Variants in LIPG observed in about 807,000 individuals in gnomAD.
LIPG encodes the protein endothelial lipase.
Under a neutral mutation model 51.8 loss-of-function variants are expected in LIPG, and 34 were observed. That is an observed-to-expected ratio of 0.66 (90% confidence interval 0.50 to 0.87). LIPG has a LOEUF of 0.87. Ranked by LOEUF, LIPG falls within the 40% of genes least tolerant of loss-of-function variation. LIPG has a pLI of 0.00. For missense variants in LIPG, 580 were observed against 652.7 expected (o/e 0.89, Z 1.21); for synonymous variants, 246 against 246.1 (o/e 1.00, Z 0.00).
upstream of LIPG, chr18:49,561,713 C>T (rs2148845915): frequency 1.1e-5 from 14 of 1,244,914 alleles, no homozygotes; most frequent in East Asian, 3.1e-5. Context: ...GGATCGCCTC[C>T]CCAGCGGACG....
intron 5 of LIPG, 148 bp from the exon 6 acceptor site, chr18:49,581,267 C>A (rs2143966468): frequency 1.6e-6 from 2 of 1,251,608 alleles, no homozygotes; most frequent in Non-Finnish European, 2.3e-6. Context: ...CTTGTCTCAA[C>A]ACAAATAAAC....
intron 5 of LIPG, among the ~76,000 whole-genome samples, chr18:49,575,972 G>A (rs1045897927): frequency 2.6e-5 from 4 of 151,688 alleles, no homozygotes; most frequent in Admixed American, 2.6e-4. Context: ...CTGAGTAGCT[G>A]GGACTACAGG....
intron 6 of LIPG, chr18:49,581,907 G>T: frequency 1.7e-6 from 1 of 599,274 alleles, no homozygotes; most frequent in Non-Finnish European, 2.9e-6. Context: ...TTTCTATCTT[G>T]CATTTAACTT....
intron 8 of LIPG, among the ~76,000 whole-genome samples, chr18:49,584,887 T>C (rs1208834176): frequency 2.0e-5 from 3 of 152,202 alleles, no homozygotes; most frequent in African/African-American, 7.2e-5. Flanking sequence ...CAAATGTAAA[T>C]AGTTTTCCAT....
rs532933564 is a variant in LIPG at position 49,594,013 on chromosome 18, C to T, written c.*3491C>T. On this transcript the variant is annotated 3_prime_UTR_variant, in exon 10 of 10. Coordinates refer to ENST00000261292, the MANE Select transcript of LIPG (RefSeq NM_006033.4). The stretch of plus-strand genomic sequence containing the variant: ...CTTTGTGTTGGGAACATTCAATATC[C>T]TCCTTCTAGTTACTTGAAACCATAT... 3 of 152,338 alleles carry T rather than the reference C, an allele frequency of 2.0e-5. No individual in the cohort carries two copies. In the South Asian group the frequency reaches 6.2e-4, roughly 32 times the overall value. The allele number at this position is 152,338 out of a possible 1,614,324, so 9.4% of individuals were successfully genotyped here.
rs1459717911 is a variant in LIPG at position 49,582,441 on chromosome 18, T to C, written c.1116T>C (p.Leu372=). ...TTGAGCCCACCTTTTACGTCACCCTTTATGGCACTAATGCAGATTCCCAGA... is the reference window on the plus strand; with the variant it reads ...TTGAGCCCACCTTTTACGTCACCCTCTATGGCACTAATGCAGATTCCCAGA... ...GEIEPTFYVT[L]YGTNADSQTL... is the part of the protein sequence containing the mutation. The change falls in exon 7 of 10, where the codon CTT becomes CTC. Residue 372 remains leucine, a synonymous_variant. Coordinates refer to ENST00000261292, the MANE Select transcript of LIPG (RefSeq NM_006033.4). 1 of 1,614,194 alleles carries C rather than the reference T, an allele frequency of 6.2e-7. No homozygotes were observed. The highest frequency in any genetic ancestry group is 1.7e-5 in the Admixed American group (1 of 60,024).
rs1277394266 is a variant in LIPG at position 49,564,041 on chromosome 18, G to A, written c.98-1276G>A. Reference sequence around the variant, plus strand: ...TGGGGCTTTTGTTCATTACTTTCATGACGGTTAACCTGACTTCCGCTCATG... The same window carrying A: ...TGGGGCTTTTGTTCATTACTTTCATAACGGTTAACCTGACTTCCGCTCATG... On this transcript the variant is annotated intron_variant, in intron 1 of 9. Coordinates refer to ENST00000261292, the MANE Select transcript of LIPG (RefSeq NM_006033.4). Among the ~76,000 whole-genome samples, 3 of 152,118 alleles carry A rather than the reference G, an allele frequency of 2.0e-5. No homozygotes were observed. The East Asian group carries it at 5.8e-4, about 29-fold the overall frequency.
rs1300813612 is a variant in LIPG at position 49,586,921 on chromosome 18, A to C, written c.1481+71A>C. 7.0e-6 allele frequency: 8 copies of C among 1,137,974 alleles called. No homozygotes were observed. In the East Asian group the frequency reaches 1.6e-4, roughly 23 times the overall value. 70.5% of individuals were successfully genotyped at this position (1,137,974 alleles called of 1,614,324 possible). ...GATGATCTCCTAGCATGTGCTGGGG[A>C]TGGATCTGGGTGCCAGGGACATAGC... On this transcript the variant is annotated intron_variant, in intron 9 of 9. Transcript: ENST00000261292.
rs1293287783 is a variant in LIPG at position 49,593,327 on chromosome 18, A to G, written c.*2805A>G. On this transcript the variant is annotated 3_prime_UTR_variant, in exon 10 of 10. Coordinates refer to ENST00000261292, the MANE Select transcript of LIPG (RefSeq NM_006033.4). ...ATATAAGGCATATTCTTTATTTGAC[A>G]CTCATCGTTAGCAGAAGTGGACAGC... The G allele has an allele frequency of 6.6e-6, 1 of 152,156 alleles. No homozygotes were observed. The highest frequency in any genetic ancestry group is 1.5e-5 in the Non-Finnish European group (1 of 68,034). The allele number at this position is 152,156 out of a possible 1,614,324, so 9.4% of individuals were successfully genotyped here.
At chr18:49,576,127 C>T (rs186885814) in intron 5 of LIPG, among the ~76,000 whole-genome samples, 50 of 151,772 alleles carry the variant, frequency 3.3e-4, no homozygotes, top group African/African-American at 8.7e-4. Flanking sequence ...TGTGAGCCAC[C>T]GCACCCGGCT....
intron 5 of LIPG, among the ~76,000 whole-genome samples, chr18:49,576,456 G>GTTTTT (rs1568530697): frequency 3.2e-5 from 1 of 31,334 alleles, no homozygotes; most frequent in Admixed American, 3.1e-4. Context: ...ACAGAATCTT[G>GTTTTT]CTTTTTTTTT....
chr18:49,581,135 C>T (rs2084814000), intron 5 of LIPG, among the ~76,000 whole-genome samples: 10 of 152,140 alleles, frequency 6.6e-5, no homozygotes, highest in Admixed American at 6.6e-4. Context: ...GGTCATGTGC[C>T]TGTCGTCCCA....
intron 4 of LIPG, among the ~76,000 whole-genome samples, chr18:49,572,340 TAAAAAAC>T (rs1456308427): frequency 7.6e-6 from 1 of 132,352 alleles, no homozygotes; most frequent in Non-Finnish European, 1.7e-5. Context: ...AAATAAAAAA[TAAAAAAC>T]AAACAAACAA....
intron 9 of LIPG, among the ~76,000 whole-genome samples, chr18:49,588,140 C>G (rs115292681): frequency 0.033 from 4,970 of 152,170 alleles, 268 homozygotes; most frequent in African/African-American, 0.11. Flanking sequence ...GCTGTGGGAA[C>G]GTGCCTAAGG....
upstream of LIPG, chr18:49,561,881 C>T (rs947618803): frequency 2.0e-5 from 26 of 1,272,480 alleles, no homozygotes; most frequent in Non-Finnish European, 2.3e-5. Context: ...GAGCGTGCGG[C>T]GTCCACGCGG....
chr18:49,586,506 A>G (rs1002222567), intron 8 of LIPG, among the ~76,000 whole-genome samples: 8 of 152,268 alleles, frequency 5.3e-5, no homozygotes, highest in Admixed American at 4.6e-4. Context: ...TTGGATAGAC[A>G]GAAGGAAGCA....
At chr18:49,581,278 A>G in intron 5 of LIPG, 137 bp from the exon 6 acceptor site, 2 of 1,335,518 alleles carry the variant, frequency 1.5e-6, no homozygotes, top group South Asian at 2.4e-5. Flanking sequence ...ACAAATAAAC[A>G]AGCAAAAGAA....
Position 49,583,633 on chromosome 18 carries a change from T to C in LIPG, c.1235T>C (p.Ile412Thr), listed in dbSNP as rs768125009. Reference sequence around the variant, plus strand: ...GAGGACTTGGGAGACCTCTTGAAGATCCAGCTCACCTGGGAGGGGGCCTCT... The same window carrying C: ...GAGGACTTGGGAGACCTCTTGAAGACCCAGCTCACCTGGGAGGGGGCCTCT... ...TEEDLGDLLK[I>T]QLTWEGASQS... The change falls in exon 8 of 10, where the codon ATC (isoleucine) becomes ACC (threonine). Residue 412 changes from isoleucine (I) to threonine (T), a missense_variant. Coordinates refer to ENST00000261292, the MANE Select transcript of LIPG (RefSeq NM_006033.4). 1 of 1,614,152 alleles carries C rather than the reference T, an allele frequency of 6.2e-7. No homozygotes were observed.
At chr18:49,582,245 G>C in intron 6 of LIPG, 117 bp from the exon 7 acceptor site, 1 of 1,304,696 alleles carries the variant, frequency 7.7e-7, no homozygotes, top group South Asian at 1.2e-5. Context: ...TGCAGGCTGG[G>C]CTCAACCAAA....
Sources: allele counts gnomAD v4.1 joint callset (sites outside exome capture counted in the v4.1 genomes callset), GRCh38; gene constraint gnomAD v4.1.1; transcripts MANE v1.5; gene names NCBI Gene and HGNC (gene_info 2026-07-23, HGNC 2026-07-21).